Variants in OPLAH observed in about 807,000 individuals in gnomAD.
OPLAH encodes 5-oxoprolinase, ATP-hydrolysing.
Under a neutral mutation model 122.8 loss-of-function variants are expected in OPLAH, and 103 were observed. That is an observed-to-expected ratio of 0.84 (90% CI 0.71 to 0.99). The LOEUF is 0.99. Ranked by LOEUF, OPLAH falls within the 50% of genes least tolerant of loss-of-function variation. OPLAH has a pLI of 0.00. For synonymous variants in OPLAH, 875 were observed against 796.0 expected, an observed-to-expected ratio of 1.10 and a Z score of -1.67; for missense variants, 1,902 against 1,836.5, an observed-to-expected ratio of 1.04 and a Z score of -0.65.
chr8:144,053,921 C>T (rs1335155169), intron 19 of OPLAH, among the ~76,000 whole-genome samples: 2 of 148,258 alleles, frequency 1.3e-5, no homozygotes, highest in South Asian at 2.2e-4. Context: ...TGACCCCTGG[C>T]CCCCTCTCCC....
Position 144,052,553 on chromosome 8 carries a change from G to C in OPLAH, c.3199C>G (p.Leu1067Val). The change falls in exon 23 of 27, where the codon CTG becomes GTG. Residue 1067 changes from leucine (L) to valine (V), a missense_variant. Leu to Val is a conservative substitution (Grantham distance 32). Around this residue, in one of 3 missense-constraint regions of OPLAH, gnomAD observed 1,726 missense variants for 1,642.1 expected, o/e 1.05. Coordinates refer to ENST00000618853, the MANE Select transcript of OPLAH (RefSeq NM_017570.5). ...ACCGCCGCCTCGGGCGACGGGTCCA[G>C]GATGGAGCCTCGGGGAATGACCACG... is the stretch of plus-strand genomic sequence containing the variant. ...VRVVIPRGSI[L>V]DPSPEAAVVG... 6.3e-7 allele frequency: 1 copy of C among 1,596,660 alleles called. No individual in the cohort carries two copies. The highest frequency in any genetic ancestry group is 2.2e-5 in the East Asian group (1 of 44,642).
At position 144,054,924 on chromosome 8, in the gene OPLAH, G is replaced by T. The variant is rs1423949697; in HGVS notation, c.2410-11C>A. On this transcript the variant is annotated splice_polypyrimidine_tract_variant and intron_variant, in intron 17 of 26. Transcript: ENST00000618853. ...CCCCAGGTGCTGAATCTGAAACCAG[G>T]AGATGGGTGCAGAGTGGGCACAGGG... The T allele has an allele frequency of 6.3e-7, 1 of 1,589,944 alleles. No homozygotes were observed. The highest frequency in any genetic ancestry group is 2.3e-5 in the East Asian group (1 of 44,174).
chr8:144,051,491 G>GA lies in OPLAH; in HGVS notation c.3721-20_3721-19insT. ...ACACATCCTGTTGGCGCGGGGGGGG[G>GA]CGGGGAGGCGGGCTCAGTGCAGGCG... On this transcript the variant is annotated intron_variant, in intron 26 of 26. Transcript: ENST00000618853. 7.2e-7 allele frequency: 1 copy of GA among 1,381,850 alleles called. No homozygotes were observed. The highest frequency in any genetic ancestry group is 9.5e-7 in the Non-Finnish European group (1 of 1,052,590). 85.6% of individuals were successfully genotyped at this position (1,381,850 alleles called of 1,614,324 possible). A position where few individuals can be genotyped will look rare whatever the true frequency, so the allele number is the denominator to read the frequency against.
At position 144,052,514 on chromosome 8, in the gene OPLAH, C is replaced by G. The variant is rs1835407646; in HGVS notation, c.3238G>C (p.Val1080Leu). 1.9e-6 allele frequency: 3 copies of G among 1,582,144 alleles called. No individual in the cohort carries two copies. Among genetic ancestry groups the G allele is most frequent in the Non-Finnish European group, 2.6e-6 (3 of 1,170,948 alleles). Residue 1080 changes from valine to leucine, a missense_variant, in exon 23 of 27, where the codon GTG becomes CTG. Transcript: ENST00000618853. The stretch of plus-strand genomic sequence containing the variant: ...TCCACCACGCGCTGCGACGTGAGCA[C>G]GTTGCCGCCCACCACCGCCGCCTCG... ...SPEAAVVGGNVLTSQRVVDVI... is the reference protein window; with the variant it reads ...SPEAAVVGGNLLTSQRVVDVI...
Position 144,059,017 on chromosome 8 carries a change from C to A in OPLAH, c.426G>T (p.Leu142=). The change falls in exon 4 of 27, where the codon CTG becomes CTT. Residue 142 remains leucine (L), a synonymous_variant. Coordinates refer to ENST00000618853, the MANE Select transcript of OPLAH (RefSeq NM_017570.5). ...TCCCGGTGCCCGCCTCTCCACGGTG[C>A]AGCACCACGCGTTCGTCCACCTCCA... ...EVLEVDERVV[L]HRGEAGTGTP... 2 of 1,586,172 alleles carry A rather than the reference C, an allele frequency of 1.3e-6. No homozygotes were observed. Among genetic ancestry groups the A allele is most frequent in the Non-Finnish European group, 1.7e-6 (2 of 1,167,968 alleles).
In OPLAH at chr8:144,052,179, G is replaced by A. The variant is rs566366300; in HGVS notation, c.3451C>T (p.Leu1151=). The change falls in exon 24 of 27, where the codon CTG becomes TTG. Residue 1151 remains leucine, a synonymous_variant. Transcript: ENST00000618853. The stretch of plus-strand genomic sequence containing the variant: ...GCGCACGCCGCTCACCGGCTCTCCA[G>A]GATCTCAGGGTCGGTGATGCGTGTG... ...TNTRITDPEI[L]ESRYPVILRR... is the part of the protein sequence containing the mutation. The A allele has an allele frequency of 7.0e-6, 11 of 1,573,676 alleles. No homozygotes were observed. The African/African-American group carries it at 1.5e-4, about 21-fold the overall frequency.
At chr8:144,061,945 A>G (rs1366161252), upstream of OPLAH, among the ~76,000 whole-genome samples, 1 of 149,538 alleles carries the variant, frequency 6.7e-6, no homozygotes, top group Non-Finnish European at 1.5e-5. Flanking sequence ...GCTTGAACCC[A>G]GGAGGCGGAG....
chr8:144,058,747 G>A (rs368055926), intron 5 of OPLAH, 26 bp downstream of exon 5: 106 of 1,581,982 alleles, frequency 6.7e-5, no homozygotes, highest in South Asian at 2.3e-4. Context: ...ACCTGCTCCC[G>A]CAGCCCACAG....
chr8:144,057,733 T>C lies in OPLAH; in HGVS notation c.1157-20A>G. ...GGCCCCCTGGGAGGTGGACAGGGTG[T>C]GGGGCTTGGGGGCTGGAGGCAGGGG... On this transcript the variant is annotated intron_variant, in intron 9 of 26. Transcript: ENST00000618853. The C allele has an allele frequency of 1.2e-6, 2 of 1,609,612 alleles. No homozygotes were observed.
rs1835647308 is a variant in OPLAH, at chr8:144,060,692, T to C, written c.-93A>G. 1 of 152,028 alleles carries C rather than the reference T, an allele frequency of 6.6e-6. No individual in the cohort carries two copies. The highest frequency in any genetic ancestry group is 2.1e-4 in the South Asian group (1 of 4,840). The allele number at this position is 152,028 out of a possible 1,614,324, so 9.4% of individuals were successfully genotyped here. ...CGGCTCGGTCGCTCGCGGTCGGCTC[T>C]GCCTGCGCTCCCGGCGGCCCTGCCC... On this transcript the variant is annotated 5_prime_UTR_variant, in exon 1 of 27. Transcript: ENST00000618853.
chr8:144,055,765 G>A lies in OPLAH; in HGVS notation c.2248+23C>T. On this transcript the variant is annotated intron_variant, in intron 16 of 26. Transcript: ENST00000618853. The surrounding 1 kb of genome is among the most constrained non-coding windows in gnomAD (Gnocchi z 6.5). ...ACACAGCCGGCGCCTCATCCCACAG[G>A]GAGCCTGGCAGCGGCCACTCACCAG... 6.7e-7 allele frequency: 1 copy of A among 1,486,086 alleles called. No individual in the cohort carries two copies. The highest frequency in any genetic ancestry group is 9.0e-7 in the Non-Finnish European group (1 of 1,110,500). The allele number at this position is 1,486,086 out of a possible 1,614,324, so 92.1% of individuals were successfully genotyped here.
In OPLAH at chr8:144,054,549, A is replaced by C. The variant is rs781995879; in HGVS notation, c.2686+12T>G. ...GCCTACAGAAGGCCTGCCCCACCCC[A>C]CTCCCACTCACCCTCCTCCTGGAAG... On this transcript the variant is annotated intron_variant, in intron 19 of 26. Coordinates refer to ENST00000618853, the MANE Select transcript of OPLAH (RefSeq NM_017570.5). The C allele has an allele frequency of 3.2e-6, 5 of 1,564,750 alleles. No individual in the cohort carries two copies. Among genetic ancestry groups the C allele is most frequent in the Middle Eastern group, 1.7e-4 (1 of 5,846 alleles).
chr8:144,056,768 G>A lies in OPLAH; in HGVS notation c.1707-13C>T, dbSNP rs1554759300. The A allele has an allele frequency of 1.3e-6, 2 of 1,596,508 alleles. No individual in the cohort carries two copies. Among genetic ancestry groups the A allele is most frequent in the South Asian group, 2.2e-5 (2 of 88,918 alleles). On this transcript the variant is annotated splice_polypyrimidine_tract_variant and intron_variant, in intron 12 of 26. Transcript: ENST00000618853. ...GCTGATCTGGGACCTGCAGCAGGTG[G>A]TTGGGGGCACTCACACCAAACCCCC...
At position 144,058,509 on chromosome 8, in the gene OPLAH, T is replaced by G; in HGVS notation, c.770A>C (p.Gln257Pro). 6.3e-7 allele frequency: 1 copy of G among 1,583,364 alleles called. No homozygotes were observed. The highest frequency in any genetic ancestry group is 8.6e-7 in the Non-Finnish European group (1 of 1,168,928). ...TCACAGCCTCACCTTGAGTTGGCCC[T>G]GGAAGCCACGGCAGAAGCCCTGCAC... ...RYVQGFCRGF[Q>P]GQLKDVQVLF... The change falls in exon 6 of 27, where the codon CAG becomes CCG. Residue 257 changes from glutamine (Q) to proline (P), a missense_variant. By Grantham distance (76) the Gln-to-Pro change is moderately conservative. Around this residue, in one of 3 missense-constraint regions of OPLAH, gnomAD observed 1,726 missense variants for 1,642.1 expected, o/e 1.05. Transcript: ENST00000618853.
At position 144,052,257 on chromosome 8, in the gene OPLAH, C is replaced by A; in HGVS notation, c.3373G>T (p.Gly1125Cys). ...CGCCCGTGCCAGCTGGGACCCGCGC[C>A]CGCGCCGCCCGCCACCGTCTCGTAG... ...GYYETVAGGA[G>C]AGPSWHGRSG... is the part of the protein sequence containing the mutation. Residue 1125 changes from glycine to cysteine, a missense_variant, in exon 24 of 27, where the codon GGC becomes TGC. This residue lies in a region of OPLAH where 1,726 missense variants were observed against 1,642.1 expected (regional missense o/e 1.05). Transcript: ENST00000618853. 1 of 1,539,876 alleles carries A rather than the reference C, an allele frequency of 6.5e-7. No homozygotes were observed. The highest frequency in any genetic ancestry group is 1.2e-5 in the South Asian group (1 of 84,486).
At position 144,056,350 on chromosome 8, in the gene OPLAH, G is replaced by A. The variant is rs1196537513; in HGVS notation, c.1983+35C>T. ...TTGGTCCCCATCCCGGTGCCCCATG[G>A]GTGCTGTCAGGCTGGCACAGGCAGG... On this transcript the variant is annotated intron_variant, in intron 14 of 26. Coordinates refer to ENST00000618853, the MANE Select transcript of OPLAH (RefSeq NM_017570.5). 7.5e-6 allele frequency: 12 copies of A among 1,594,992 alleles called. No homozygotes were observed. In the Admixed American group the frequency reaches 1.5e-4, roughly 20 times the overall value.
In OPLAH at chr8:144,054,895, C is replaced by T. The variant is rs1288181246; in HGVS notation, c.2428G>A (p.Asp810Asn). ...VQFQIQHLGA[D>N]LHPGDVLLSN... ...AGTAGCACGTCGCCAGGGTGGAGAT[C>T]GGCCCCCAGGTGCTGAATCTGAAAC... Residue 810 changes from aspartate (D) to asparagine (N), a missense_variant, in exon 18 of 27, where the codon GAT (aspartate) becomes AAT (asparagine). Coordinates refer to ENST00000618853, the MANE Select transcript of OPLAH (RefSeq NM_017570.5). The T allele has an allele frequency of 8.7e-6, 14 of 1,606,736 alleles. No individual in the cohort carries two copies. Among genetic ancestry groups the T allele is most frequent in the Non-Finnish European group, 1.2e-5 (14 of 1,177,062 alleles).
Position 144,053,405 on chromosome 8 carries a change from G to A in OPLAH, c.2687-12C>T, listed in dbSNP as rs531406936. 1 of 1,597,844 alleles carries A rather than the reference G, an allele frequency of 6.3e-7. No individual in the cohort carries two copies. Among genetic ancestry groups the A allele is most frequent in the Non-Finnish European group, 8.5e-7 (1 of 1,171,786 alleles). ...GGCCTCCGTCACCGCTGGATGGACA[G>A]TGTCATCACTGAGCCCCTGGCCAAC... On this transcript the variant is annotated splice_polypyrimidine_tract_variant and intron_variant, in intron 19 of 26. Coordinates refer to ENST00000618853, the MANE Select transcript of OPLAH (RefSeq NM_017570.5).
At position 144,051,487 on chromosome 8, in the gene OPLAH, GGGGGCGGGGAGGC is replaced by G; in HGVS notation, c.3721-28_3721-16del. On this transcript the variant is annotated splice_polypyrimidine_tract_variant and intron_variant, in intron 26 of 26. Coordinates refer to ENST00000618853, the MANE Select transcript of OPLAH (RefSeq NM_017570.5). ...CAGAACACATCCTGTTGGCGCGGGG[GGGGGCGGGGAGGC>G]GGGCTCAGTGCAGGCGTGGCCCCTC... 1 of 1,470,050 alleles carries G rather than the reference GGGGGCGGGGAGGC, an allele frequency of 6.8e-7. No individual in the cohort carries two copies. Among genetic ancestry groups the G allele is most frequent in the Non-Finnish European group, 9.1e-7 (1 of 1,104,486 alleles). 91.1% of individuals were successfully genotyped at this position (1,470,050 alleles called of 1,614,324 possible).
Sources: allele counts gnomAD v4.1 joint callset (sites outside exome capture counted in the v4.1 genomes callset), GRCh38; gene constraint gnomAD v4.1.1; regional missense constraint gnomAD v4.1.1; non-coding constraint Gnocchi (gnomAD v3.1); transcripts MANE v1.5; gene names NCBI Gene and HGNC (gene_info 2026-07-23, HGNC 2026-07-21).